The following PITPNC1 variants were observed in gnomAD, a reference collection of about 807,000 sequenced individuals.
PITPNC1 encodes phosphatidylinositol transfer protein cytoplasmic 1.
Under a neutral mutation model 44.7 loss-of-function variants are expected in PITPNC1, and 18 were observed. That is an observed-to-expected ratio of 0.40 (90% confidence interval 0.28 to 0.60). The LOEUF (loss-of-function observed/expected upper bound fraction) is 0.60. Among genes scored for constraint, PITPNC1 ranks in the 20% least tolerant of loss-of-function variants. The pLI is 0.39. For missense variants in PITPNC1, 290 were observed against 418.4 expected (o/e 0.69, Z 2.68); for synonymous variants, 141 against 149.6 (o/e 0.94, Z 0.42).
intron 1 of PITPNC1, among the ~76,000 whole-genome samples, chr17:67,501,092 G>A (rs2040022354): frequency 6.6e-6 from 1 of 151,912 alleles, no homozygotes; most frequent in Non-Finnish European, 1.5e-5. Flanking sequence ...AACATTTATT[G>A]TCGCTGTGTA....
chr17:67,378,923 C>A, intron 1 of PITPNC1: 13 of 968,672 alleles, frequency 1.3e-5, no homozygotes, highest in Non-Finnish European at 1.6e-5. Flanking sequence ...GGTGCCGGGG[C>A]CGCGGCTGCC....
intron 5 of PITPNC1, among the ~76,000 whole-genome samples, chr17:67,622,731 C>T (rs1173217977): frequency 1.3e-5 from 2 of 152,002 alleles, no homozygotes; most frequent in East Asian, 1.9e-4. Flanking sequence ...CAAAAATTAG[C>T]CAGGTGTGGT....
intron 1 of PITPNC1, chr17:67,408,672 CT>C (rs2038436182): frequency 4.6e-5 from 4 of 87,858 alleles, no homozygotes; most frequent in South Asian, 4.3e-4. Flanking sequence ...TGCTTGCTTT[CT>C]CTTTCTTCCT....
chr17:67,572,519 T>C (rs920106134), intron 4 of PITPNC1, among the ~76,000 whole-genome samples: 4 of 141,336 alleles, frequency 2.8e-5, no homozygotes, highest in African/African-American at 1.0e-4. Context: ...CCACCATTCC[T>C]AGTGGTGCTG....
intron 5 of PITPNC1, among the ~76,000 whole-genome samples, chr17:67,620,762 C>T (rs1299605360): frequency 6.6e-6 from 1 of 152,202 alleles, no homozygotes; most frequent in Non-Finnish European, 1.5e-5. Flanking sequence ...GTTTCCTTTA[C>T]TCAGCCTTAA....
chr17:67,509,149 A>T (rs1288913090), intron 1 of PITPNC1, among the ~76,000 whole-genome samples: 1 of 149,504 alleles, frequency 6.7e-6, no homozygotes, highest in Non-Finnish European at 1.5e-5. Flanking sequence ...CAGGAGAATC[A>T]CTTGAACTGG....
intron 4 of PITPNC1, among the ~76,000 whole-genome samples, chr17:67,572,012 T>A (rs115789492): frequency 6.6e-6 from 1 of 152,336 alleles, no homozygotes; most frequent in African/African-American, 2.4e-5. Flanking sequence ...TTTCAGTCTT[T>A]CCTTCATATG....
chr17:67,455,542 C>A (rs1249009077), intron 1 of PITPNC1, among the ~76,000 whole-genome samples: 2 of 152,092 alleles, frequency 1.3e-5, no homozygotes, highest in Non-Finnish European at 2.9e-5. Flanking sequence ...TGCCTCAGCG[C>A]CAGAGTAGCT....
At chr17:67,496,090 ATGT>A (rs1555658204) in intron 1 of PITPNC1, among the ~76,000 whole-genome samples, 1 of 152,174 alleles carries the variant, frequency 6.6e-6, no homozygotes, top group Non-Finnish European at 1.5e-5. Context: ...TGAGGAGAAA[ATGT>A]TGTTGGAATT....
chr17:67,560,882 A>G (rs1469003387), intron 4 of PITPNC1, among the ~76,000 whole-genome samples: 1 of 152,228 alleles, frequency 6.6e-6, no homozygotes, highest in Non-Finnish European at 1.5e-5. Flanking sequence ...ATGACTTTAC[A>G]GAGGGCAATC....
At chr17:67,389,245 C>A (rs1188524465) in intron 1 of PITPNC1, among the ~76,000 whole-genome samples, 2 of 152,258 alleles carry the variant, frequency 1.3e-5, no homozygotes, top group African/African-American at 4.8e-5. Context: ...GCAGGAGCTT[C>A]TACTGCAACT....
At chr17:67,542,338 C>A (rs2040620345) in intron 2 of PITPNC1, among the ~76,000 whole-genome samples, 1 of 151,988 alleles carries the variant, frequency 6.6e-6, no homozygotes, top group Admixed American at 6.6e-5. Context: ...TTAGATAAAT[C>A]CCCATCATCA....
intron 4 of PITPNC1, among the ~76,000 whole-genome samples, chr17:67,569,991 A>G (rs2041031010): frequency 6.6e-6 from 1 of 152,004 alleles, no homozygotes; most frequent in Non-Finnish European, 1.5e-5. Flanking sequence ...GACAGAAATG[A>G]CTCACTGATT....
At chr17:67,591,180 T>G (rs1374997354) in intron 5 of PITPNC1, among the ~76,000 whole-genome samples, 1 of 152,044 alleles carries the variant, frequency 6.6e-6, no homozygotes, top group Non-Finnish European at 1.5e-5. Flanking sequence ...ATAAGGAAAC[T>G]TTACACAAAC....
intron 1 of PITPNC1, among the ~76,000 whole-genome samples, chr17:67,466,903 T>A (rs1456370950): frequency 1.3e-5 from 2 of 152,130 alleles, no homozygotes; most frequent in Non-Finnish European, 2.9e-5. Flanking sequence ...GCAATCTAGC[T>A]CCTTAAGAGA....
chr17:67,533,851 T>C (rs1180809096), intron 2 of PITPNC1, among the ~76,000 whole-genome samples: 1 of 152,164 alleles, frequency 6.6e-6, no homozygotes, highest in African/African-American at 2.4e-5. Context: ...TTGCAAAATA[T>C]ATTCTTTAAT....
Position 67,530,069 on chromosome 17 carries a change from G to A in PITPNC1, c.49-2733G>A, listed in dbSNP as rs139449768. Reference sequence around the variant, plus strand: ...GTGGGGTGAGGGAAGGATCCGGTTCGGACCTCAACCCTTGGCTTTTTTTTT... The same window carrying A: ...GTGGGGTGAGGGAAGGATCCGGTTCAGACCTCAACCCTTGGCTTTTTTTTT... On this transcript the variant is annotated intron_variant, in intron 1 of 8. Transcript: ENST00000581322. Among the ~76,000 whole-genome samples, 570 of 150,980 alleles carry A rather than the reference G, an allele frequency of 3.8e-3. 4 individuals are homozygous for A. The highest frequency in any genetic ancestry group is 0.013 in the African/African-American group (524 of 41,066).
intron 1 of PITPNC1, among the ~76,000 whole-genome samples, chr17:67,446,759 G>A: frequency 6.6e-6 from 1 of 151,786 alleles, no homozygotes; most frequent in East Asian, 1.9e-4. Context: ...TATGGCAGAT[G>A]CACCTGACAG....
chr17:67,574,355 G>A (rs1040565124), intron 4 of PITPNC1, among the ~76,000 whole-genome samples: 2 of 152,164 alleles, frequency 1.3e-5, no homozygotes, highest in Non-Finnish European at 2.9e-5. Flanking sequence ...AATAAGAAAC[G>A]TAAAGAAATA....
Sources: gnomAD v4.1 joint callset for allele counts (sites outside exome capture counted in the v4.1 genomes callset) on GRCh38, gnomAD v4.1.1 for gene constraint, MANE v1.5 for transcripts, NCBI Gene and HGNC (gene_info 2026-07-23, HGNC 2026-07-21) for gene names.